CDK19: variants seen among roughly 807,000 people sequenced by gnomAD.
CDK19 encodes cyclin dependent kinase 19.
In CDK19, 20 loss-of-function variants were observed where a neutral mutation model predicts 68.3. The observed-to-expected ratio is 0.29, with a 90% confidence interval of 0.21 to 0.43. The LOEUF is 0.43. Ranked by LOEUF, CDK19 falls within the 20% of genes least tolerant of loss-of-function variation. The pLI is 1.00. For synonymous variants in CDK19, 221 were observed against 222.8 expected (o/e 0.99, Z 0.07); for missense variants, 339 against 623.5 (o/e 0.54, Z 4.86).
chr6:110,713,478 CA>C (rs33973234), intron 2 of CDK19, among the ~76,000 whole-genome samples: 13 of 129,542 alleles, frequency 1.0e-4, no homozygotes, highest in African/African-American at 2.6e-4. Flanking sequence ...CCTCTTGTCT[CA>C]AAAAAAAAAA....
intron 2 of CDK19, among the ~76,000 whole-genome samples, chr6:110,732,473 T>C (rs927900329): frequency 1.3e-5 from 2 of 151,896 alleles, no homozygotes; most frequent in South Asian, 2.1e-4. Flanking sequence ...GAGGCAGAGG[T>C]TGCAGTGAAC....
intron 5 of CDK19, among the ~76,000 whole-genome samples, chr6:110,634,708 T>G (rs924058648): frequency 1.3e-5 from 2 of 152,242 alleles, no homozygotes; most frequent in African/African-American, 4.8e-5. Context: ...CACCTATTAT[T>G]CTACAATATT....
At chr6:110,797,940 G>T (rs1782055179) in intron 1 of CDK19, among the ~76,000 whole-genome samples, 1 of 140,864 alleles carries the variant, frequency 7.1e-6, no homozygotes, top group African/African-American at 2.7e-5. Context: ...AGCCAAGATT[G>T]CGCCACTGCA....
chr6:110,690,886 AATAAATTCAAG>A (rs1772926596), intron 2 of CDK19, among the ~76,000 whole-genome samples: 1 of 152,240 alleles, frequency 6.6e-6, no homozygotes, highest in African/African-American at 2.4e-5. Context: ...TCAAATAAAA[AATAAATTCAAG>A]AATAATTAGG....
chr6:110,641,646 A>AAAGAAAGAAAGG (rs60451345), intron 4 of CDK19, among the ~76,000 whole-genome samples: 239 of 131,460 alleles, frequency 1.8e-3, no homozygotes, highest in African/African-American at 7.0e-3. Context: ...AAAGGGAAAG[A>AAAGAAAGAAAGG]AAGGAAGGAA....
At chr6:110,676,879 A>G (rs1488319159) in intron 2 of CDK19, among the ~76,000 whole-genome samples, 1 of 152,198 alleles carries the variant, frequency 6.6e-6, no homozygotes, top group Non-Finnish European at 1.5e-5. Context: ...CAAACTTGCA[A>G]TATCTCTAAA....
chr6:110,769,560 A>C (rs1779847785), intron 1 of CDK19, among the ~76,000 whole-genome samples: 1 of 146,690 alleles, frequency 6.8e-6, no homozygotes, highest in Non-Finnish European at 1.5e-5. Context: ...GCAAGATTCC[A>C]TCTCAAAAAA....
intron 2 of CDK19, among the ~76,000 whole-genome samples, chr6:110,733,334 T>C (rs1776903380): frequency 1.3e-5 from 2 of 152,228 alleles, no homozygotes; most frequent in South Asian, 2.1e-4. Flanking sequence ...CCATAAATTA[T>C]TGATCCACTC....
chr6:110,792,307 G>C (rs769301985), intron 1 of CDK19, among the ~76,000 whole-genome samples: 17 of 151,930 alleles, frequency 1.1e-4, no homozygotes, highest in Non-Finnish European at 2.1e-4. Context: ...GAAAAGATAA[G>C]GTCTTCTCCT....
intron 1 of CDK19, among the ~76,000 whole-genome samples, chr6:110,798,579 C>T (rs1402370619): frequency 6.9e-6 from 1 of 144,034 alleles, no homozygotes. Flanking sequence ...GAGCCAAGAT[C>T]GCGACATCGC....
At chr6:110,802,296 A>G (rs1190990797) in intron 1 of CDK19, among the ~76,000 whole-genome samples, 2 of 152,202 alleles carry the variant, frequency 1.3e-5, no homozygotes, top group Non-Finnish European at 2.9e-5. Flanking sequence ...GTCTATCAAC[A>G]GTTAAAAAGA....
chr6:110,744,583 T>C (rs1211398373), intron 2 of CDK19, among the ~76,000 whole-genome samples: 1 of 152,046 alleles, frequency 6.6e-6, no homozygotes, highest in Non-Finnish European at 1.5e-5. Context: ...TGTGGACCAC[T>C]GGTAGAATTT....
chr6:110,777,547 C>A (rs1780494590), intron 1 of CDK19, among the ~76,000 whole-genome samples: 1 of 152,122 alleles, frequency 6.6e-6, no homozygotes, highest in Non-Finnish European at 1.5e-5. Flanking sequence ...TTGGCAGGAG[C>A]ATAAAATGGT....
At chr6:110,693,071 G>A (rs1773152945) in intron 2 of CDK19, among the ~76,000 whole-genome samples, 1 of 152,028 alleles carries the variant, frequency 6.6e-6, no homozygotes, top group Admixed American at 6.6e-5. Flanking sequence ...AAGCAAAAGT[G>A]AGCAAAAGCG....
At chr6:110,793,324 T>C (rs1781723591) in intron 1 of CDK19, among the ~76,000 whole-genome samples, 1 of 152,196 alleles carries the variant, frequency 6.6e-6, no homozygotes, top group African/African-American at 2.4e-5. Flanking sequence ...CTCTGTTCTC[T>C]TCACTATTAT....
chr6:110,803,556 A>G (rs1177484328), intron 1 of CDK19, among the ~76,000 whole-genome samples: 1 of 152,240 alleles, frequency 6.6e-6, no homozygotes, highest in Non-Finnish European at 1.5e-5. Flanking sequence ...GTAAGACAAG[A>G]TCAAATTACA....
chr6:110,779,468 T>A (rs1446839930), intron 1 of CDK19, among the ~76,000 whole-genome samples: 1 of 152,210 alleles, frequency 6.6e-6, no homozygotes, highest in East Asian at 1.9e-4. Context: ...TCTTCCTCTG[T>A]CATCAAAGTG....
chr6:110,687,138 A>G (rs1276554159), intron 2 of CDK19, among the ~76,000 whole-genome samples: 2 of 152,006 alleles, frequency 1.3e-5, no homozygotes, highest in Non-Finnish European at 2.9e-5. Context: ...ACCTTTCTCT[A>G]CCTCCCAGAT....
intron 8 of CDK19, among the ~76,000 whole-genome samples, chr6:110,623,911 GTA>G (rs1304610664): frequency 0.012 from 1,541 of 127,888 alleles, 32 homozygotes; most frequent in African/African-American, 0.042. Flanking sequence ...ATATATATAC[GTA>G]TATATATATA....
Sources: gnomAD v4.1 joint callset for allele counts (sites outside exome capture counted in the v4.1 genomes callset) on GRCh38, gnomAD v4.1.1 for gene constraint, MANE v1.5 for transcripts, NCBI Gene and HGNC (gene_info 2026-07-23, HGNC 2026-07-21) for gene names.